SNTG1: variants seen among roughly 807,000 people sequenced by gnomAD.
The protein encoded by SNTG1 is syntrophin gamma 1.
SNTG1 carries 39 observed loss-of-function variants against 74.7 expected under a neutral mutation model. That is an observed-to-expected ratio of 0.52 (90% CI 0.40 to 0.68). The LOEUF is 0.68. Ranked by LOEUF, SNTG1 falls within the 30% of genes least tolerant of loss-of-function variation. SNTG1 has a pLI of 0.00. For synonymous variants in SNTG1, 254 were observed against 217.1 expected (o/e 1.17, Z -1.49); for missense variants, 685 against 609.5 (o/e 1.12, Z -1.30).
chr8:50,737,028 C>T (rs1029627842), intron 17 of SNTG1, among the ~76,000 whole-genome samples: 15 of 151,774 alleles, frequency 9.9e-5, no homozygotes, highest in Admixed American at 2.0e-4. Flanking sequence ...CAAACAAATT[C>T]AAAAGCTAGC....
chr8:50,618,929 G>A (rs775936631), intron 13 of SNTG1, among the ~76,000 whole-genome samples: 3 of 151,582 alleles, frequency 2.0e-5, no homozygotes, highest in Non-Finnish European at 4.4e-5. Flanking sequence ...ATATGTCTAT[G>A]TGTGTGTGTG....
At chr8:50,528,916 T>C (rs1245911303) in intron 9 of SNTG1, among the ~76,000 whole-genome samples, 1 of 151,664 alleles carries the variant, frequency 6.6e-6, no homozygotes, top group Admixed American at 6.6e-5. Context: ...TTTTCCCAGT[T>C]TTATTTTTAT....
At chr8:50,025,967 A>G (rs1369273430) in intron 1 of SNTG1, among the ~76,000 whole-genome samples, 2 of 152,142 alleles carry the variant, frequency 1.3e-5, no homozygotes, top group African/African-American at 4.8e-5. Flanking sequence ...GGAGCTCTGT[A>G]TTTAGGTCTG....
At chr8:50,723,329 C>T (rs997138419) in intron 17 of SNTG1, among the ~76,000 whole-genome samples, 5 of 152,108 alleles carry the variant, frequency 3.3e-5, no homozygotes, top group African/African-American at 1.2e-4. Context: ...TTGATCTCTA[C>T]CAAGTTCAGC....
chr8:50,683,928 A>C (rs924132049), intron 15 of SNTG1, among the ~76,000 whole-genome samples: 10 of 152,240 alleles, frequency 6.6e-5, no homozygotes, highest in Admixed American at 3.9e-4. Context: ...TTTTAATCAC[A>C]ATTGAAGAAA....
At chr8:50,718,657 A>G (rs1302122304) in intron 17 of SNTG1, among the ~76,000 whole-genome samples, 1 of 152,190 alleles carries the variant, frequency 6.6e-6, no homozygotes, top group East Asian at 1.9e-4. Flanking sequence ...AACAACTGCA[A>G]AATCCCACTG....
chr8:50,228,632 A>G (rs2085462236), intron 2 of SNTG1, among the ~76,000 whole-genome samples: 1 of 151,842 alleles, frequency 6.6e-6, no homozygotes, highest in African/African-American at 2.4e-5. Context: ...AAATGTTTAA[A>G]ATATTAAAGG....
intron 13 of SNTG1, among the ~76,000 whole-genome samples, chr8:50,629,366 TAG>T (rs969443426): frequency 5.9e-5 from 9 of 152,162 alleles, no homozygotes; most frequent in Non-Finnish European, 1.2e-4. Context: ...TAAGTTTACA[TAG>T]AGACTATGCT....
intron 13 of SNTG1, among the ~76,000 whole-genome samples, chr8:50,652,520 G>A (rs187010587): frequency 1.6e-3 from 247 of 152,194 alleles, no homozygotes; most frequent in Admixed American, 5.6e-3. Flanking sequence ...TTATCAGGCC[G>A]GTGCAGTGGC....
chr8:50,508,793 T>A (rs2094034910), intron 9 of SNTG1, among the ~76,000 whole-genome samples: 1 of 152,226 alleles, frequency 6.6e-6, no homozygotes, highest in Non-Finnish European at 1.5e-5. Flanking sequence ...TAAATTTGTT[T>A]GAGTTCATTG....
At chr8:50,432,894 G>A (rs902403392) in intron 4 of SNTG1, among the ~76,000 whole-genome samples, 3 of 151,898 alleles carry the variant, frequency 2.0e-5, no homozygotes, top group South Asian at 2.1e-4. Flanking sequence ...TGGTTCAAAC[G>A]ATTCTCCTGT....
intron 1 of SNTG1, among the ~76,000 whole-genome samples, chr8:50,037,692 T>G (rs992174883): frequency 1.3e-5 from 2 of 152,248 alleles, no homozygotes; most frequent in Non-Finnish European, 2.9e-5. Context: ...CTTGGACAAA[T>G]TCATTAATTA....
At chr8:50,507,742 G>C (rs1299582674) in intron 9 of SNTG1, among the ~76,000 whole-genome samples, 1 of 151,772 alleles carries the variant, frequency 6.6e-6, no homozygotes, top group Non-Finnish European at 1.5e-5. Context: ...GTGCAGGTTA[G>C]CTACATAAGT....
At chr8:50,097,817 C>T (rs572925175) in intron 1 of SNTG1, among the ~76,000 whole-genome samples, 1 of 152,212 alleles carries the variant, frequency 6.6e-6, no homozygotes, top group African/African-American at 2.4e-5. Context: ...TTGGCAGTAC[C>T]AGATACAAAA....
intron 2 of SNTG1, among the ~76,000 whole-genome samples, chr8:50,326,264 A>C (rs1237813039): frequency 6.6e-6 from 1 of 152,056 alleles, no homozygotes; most frequent in Non-Finnish European, 1.5e-5. Context: ...TGCTTGTAGA[A>C]AATTGGTATA....
chr8:50,501,019 C>T (rs2093947198), intron 8 of SNTG1, among the ~76,000 whole-genome samples: 1 of 152,132 alleles, frequency 6.6e-6, no homozygotes, highest in Non-Finnish European at 1.5e-5. Flanking sequence ...GGAGGTACCC[C>T]TGCCAATGAT....
chr8:50,597,370 T>TATATACACGTATATATACACATATACAC lies in SNTG1; in HGVS notation c.849+6453_849+6454insATATACACGTATATATACACATATACAC, dbSNP rs1563627827. On this transcript the variant is annotated intron_variant, in intron 13 of 18. Coordinates refer to ENST00000642720, the MANE Select transcript of SNTG1 (RefSeq NM_018967.5). ...ATACACGTATATATACACATATACA[T>TATATACACGTATATATACACATATACAC]GTATATATACACATATATACATATA... Among the ~76,000 whole-genome samples, 131 of 138,996 alleles carry TATATACACGTATATATACACATATACAC rather than the reference T, an allele frequency of 9.4e-4. 4 individuals carry two copies. Among genetic ancestry groups the TATATACACGTATATATACACATATACAC allele is most frequent in the Non-Finnish European group, 1.7e-3 (105 of 61,446 alleles). 91.2% of individuals were successfully genotyped at this position (138,996 alleles called of 152,430 possible).
intron 13 of SNTG1, among the ~76,000 whole-genome samples, chr8:50,639,401 A>G (rs992079558): frequency 6.6e-6 from 1 of 152,028 alleles, no homozygotes; most frequent in Non-Finnish European, 1.5e-5. Context: ...TTATGGGTGT[A>G]AATTATTGCC....
chr8:50,019,881 A>C (rs1475150606), intron 1 of SNTG1, among the ~76,000 whole-genome samples: 1 of 152,142 alleles, frequency 6.6e-6, no homozygotes, highest in Non-Finnish European at 1.5e-5. Flanking sequence ...AAGAGACATA[A>C]GAGTGTCCTC....
Sources: allele counts gnomAD v4.1 joint callset (sites outside exome capture counted in the v4.1 genomes callset), GRCh38; gene constraint gnomAD v4.1.1; transcripts MANE v1.5; gene names NCBI Gene and HGNC (gene_info 2026-07-23, HGNC 2026-07-21).